The following PDE4B variants were observed in gnomAD, a reference collection of about 807,000 sequenced individuals.
The protein encoded by PDE4B is 3',5'-cyclic-AMP phosphodiesterase 4B.
Under a neutral mutation model 82.2 loss-of-function variants are expected in PDE4B, and 20 were observed. The ratio of observed to expected loss-of-function variants is 0.24; its 90% CI spans 0.17 to 0.35. PDE4B has a LOEUF of 0.35. Ranked by LOEUF, PDE4B falls within the 10% of genes least tolerant of loss-of-function variation. The pLI, the probability that PDE4B is intolerant of heterozygous loss-of-function variation, is 1.00. For synonymous variants in PDE4B, 320 were observed against 318.9 expected, an observed-to-expected ratio of 1.00 and a Z score of -0.04; for missense variants, 655 against 907.2, an observed-to-expected ratio of 0.72 and a Z score of 3.57.
intron 3 of PDE4B, among the ~76,000 whole-genome samples, chr1:66,185,147 A>G (rs1029823459): frequency 6.6e-6 from 1 of 152,168 alleles, no homozygotes; most frequent in Non-Finnish European, 1.5e-5. Context: ...AGCTTCATCC[A>G]TGTCCCTACA....
intron 3 of PDE4B, chr1:66,112,900 C>T (rs1181489380): frequency 1.3e-5 from 2 of 152,172 alleles, no homozygotes; most frequent in East Asian, 1.9e-4. Context: ...CAGAACAAAA[C>T]TTAAAACTGG....
chr1:66,007,667 A>G (rs1652224976), intron 3 of PDE4B, among the ~76,000 whole-genome samples: 2 of 152,142 alleles, frequency 1.3e-5, no homozygotes, highest in Admixed American at 6.6e-5. Context: ...AATCTGGTGT[A>G]CTAGCAATAG....
At chr1:66,287,813 A>G (rs1656788197) in intron 7 of PDE4B, among the ~76,000 whole-genome samples, 1 of 151,950 alleles carries the variant, frequency 6.6e-6, no homozygotes, top group Non-Finnish European at 1.5e-5. Context: ...ACAAAACAAA[A>G]CTTTATAAAA....
At chr1:65,851,668 G>A (rs1227541636) in intron 1 of PDE4B, among the ~76,000 whole-genome samples, 1 of 151,640 alleles carries the variant, frequency 6.6e-6, no homozygotes, top group Non-Finnish European at 1.5e-5. Context: ...TAAAATATTG[G>A]GATTAAATCT....
intron 3 of PDE4B, among the ~76,000 whole-genome samples, chr1:66,116,727 C>A (rs984852495): frequency 6.6e-6 from 1 of 152,004 alleles, no homozygotes; most frequent in Non-Finnish European, 1.5e-5. Flanking sequence ...CCACACCCGG[C>A]TGATCTTTGT....
chr1:66,363,308 C>A, intron 11 of PDE4B, 42 bp downstream of exon 11: 2 of 1,537,788 alleles, frequency 1.3e-6, no homozygotes, highest in South Asian at 1.2e-5. Flanking sequence ...AATTGGATGG[C>A]TCTTTATGAT....
chr1:65,914,923 G>T (rs1259287264), intron 2 of PDE4B, among the ~76,000 whole-genome samples: 1 of 152,150 alleles, frequency 6.6e-6, no homozygotes, highest in South Asian at 2.1e-4. Flanking sequence ...TTAAGTATTA[G>T]TCTAAATGGA....
chr1:66,173,423 G>A (rs1570397368), intron 3 of PDE4B, among the ~76,000 whole-genome samples: 1 of 152,138 alleles, frequency 6.6e-6, no homozygotes, highest in South Asian at 2.1e-4. Flanking sequence ...AGAAGCTAAG[G>A]GTGCTTCCAT....
intron 3 of PDE4B, among the ~76,000 whole-genome samples, chr1:66,031,463 A>G (rs960891795): frequency 1.3e-5 from 2 of 152,212 alleles, no homozygotes; most frequent in Non-Finnish European, 2.9e-5. Context: ...TTTACAAAAA[A>G]TGAAATATTT....
At chr1:66,309,284 C>T (rs1658505330) in intron 7 of PDE4B, among the ~76,000 whole-genome samples, 1 of 152,102 alleles carries the variant, frequency 6.6e-6, no homozygotes, top group Non-Finnish European at 1.5e-5. Context: ...AAATGATGTT[C>T]CAGAGCAGTT....
chr1:66,116,835 G>C (rs1645604758), intron 3 of PDE4B, among the ~76,000 whole-genome samples: 1 of 152,104 alleles, frequency 6.6e-6, no homozygotes, highest in Admixed American at 6.6e-5. Context: ...AAATTGCTAG[G>C]ATTACGTGGG....
At chr1:65,823,260 G>C (rs1482397782) in intron 1 of PDE4B, among the ~76,000 whole-genome samples, 1 of 151,928 alleles carries the variant, frequency 6.6e-6, no homozygotes, top group Non-Finnish European at 1.5e-5. Context: ...GCTGGGTGTG[G>C]TGGTGTGTGT....
At chr1:65,957,885 G>A (rs1188552110) in intron 3 of PDE4B, among the ~76,000 whole-genome samples, 1 of 151,932 alleles carries the variant, frequency 6.6e-6, no homozygotes, top group Non-Finnish European at 1.5e-5. Context: ...GTTTGTTATT[G>A]ATTATTATGC....
chr1:66,212,952 A>G (rs1291173649), intron 3 of PDE4B, among the ~76,000 whole-genome samples: 1 of 152,176 alleles, frequency 6.6e-6, no homozygotes, highest in Non-Finnish European at 1.5e-5. Flanking sequence ...GCACACCATA[A>G]TGTGGTACAT....
At chr1:66,290,121 C>T (rs1417862884) in intron 7 of PDE4B, among the ~76,000 whole-genome samples, 1 of 151,952 alleles carries the variant, frequency 6.6e-6, no homozygotes, top group African/African-American at 2.4e-5. Context: ...CTGATGTAGC[C>T]AAGAAGAGAT....
intron 7 of PDE4B, among the ~76,000 whole-genome samples, chr1:66,310,766 C>A (rs1432346100): frequency 6.6e-6 from 1 of 152,062 alleles, no homozygotes; most frequent in South Asian, 2.1e-4. Flanking sequence ...GAGTATAAGA[C>A]CTGGAGTCAA....
chr1:66,224,879 A>G (rs1461965643), intron 3 of PDE4B, among the ~76,000 whole-genome samples: 1 of 152,182 alleles, frequency 6.6e-6, no homozygotes, highest in Non-Finnish European at 1.5e-5. Flanking sequence ...ATGTCATCTC[A>G]TCTCTACTTA....
At chr1:66,310,263 T>C (rs1658574903) in intron 7 of PDE4B, among the ~76,000 whole-genome samples, 1 of 152,190 alleles carries the variant, frequency 6.6e-6, no homozygotes, top group Non-Finnish European at 1.5e-5. Context: ...CTAGGGCTCA[T>C]AGAGGCTAAG....
At chr1:65,798,547 C>T (rs1203711265) in intron 1 of PDE4B, among the ~76,000 whole-genome samples, 1 of 36,836 alleles carries the variant, frequency 2.7e-5, no homozygotes, top group Non-Finnish European at 4.2e-5. Context: ...CGTGAGCCAC[C>T]GCGCCCGGCC....
Sources: gnomAD v4.1 joint callset for allele counts (sites outside exome capture counted in the v4.1 genomes callset) on GRCh38, gnomAD v4.1.1 for gene constraint, MANE v1.5 for transcripts, NCBI Gene and HGNC (gene_info 2026-07-23, HGNC 2026-07-21) for gene names.